The following CNTN1 variants were observed in gnomAD, a reference collection of about 807,000 sequenced individuals.
CNTN1 encodes contactin-1.
Under a neutral mutation model 126.4 loss-of-function variants are expected in CNTN1, and 38 were observed. The ratio of observed to expected loss-of-function variants is 0.30; its 90% CI spans 0.23 to 0.39. The LOEUF is 0.39. Among genes scored for constraint, CNTN1 ranks in the 10% least tolerant of loss-of-function variants. The pLI is 1.00. For synonymous variants in CNTN1, 413 were observed against 422.6 expected (o/e 0.98, Z 0.28); for missense variants, 1,009 against 1,248.4 (o/e 0.81, Z 2.89).
intron 1 of CNTN1, among the ~76,000 whole-genome samples, chr12:40,714,311 G>T (rs1941996298): frequency 6.6e-6 from 1 of 152,064 alleles, no homozygotes; most frequent in Non-Finnish European, 1.5e-5. Flanking sequence ...TCAATGGGTT[G>T]CTGGATAGTA....
intron 1 of CNTN1, among the ~76,000 whole-genome samples, chr12:40,735,723 C>T (rs570339322): frequency 1.3e-5 from 2 of 152,160 alleles, no homozygotes; most frequent in South Asian, 2.1e-4. Flanking sequence ...ATCAAATCAG[C>T]GTGCAGGAAG....
intron 23 of CNTN1, among the ~76,000 whole-genome samples, 190 bp downstream of exon 23, chr12:41,029,409 C>G (rs1198343754): frequency 6.6e-6 from 1 of 152,122 alleles, no homozygotes; most frequent in Non-Finnish European, 1.5e-5. Context: ...CTGTGACATA[C>G]CACATACTTC....
intron 1 of CNTN1, among the ~76,000 whole-genome samples, chr12:40,791,795 T>C (rs959263260): frequency 2.0e-5 from 3 of 152,122 alleles, no homozygotes; most frequent in Non-Finnish European, 4.4e-5. Context: ...ACCCACATCT[T>C]CCCACTGAGC....
At chr12:40,789,320 GA>G (rs1940142711) in intron 1 of CNTN1, among the ~76,000 whole-genome samples, 1 of 152,092 alleles carries the variant, frequency 6.6e-6, no homozygotes, top group South Asian at 2.1e-4. Context: ...TTGAACACTT[GA>G]AATAATGGGT....
chr12:40,922,482 A>T, intron 5 of CNTN1, 54 bp downstream of exon 5: 1 of 1,522,154 alleles, frequency 6.6e-7, no homozygotes, highest in South Asian at 1.1e-5. Flanking sequence ...TGAGTTCAGC[A>T]AGAAGAACAA....
intron 3 of CNTN1, among the ~76,000 whole-genome samples, chr12:40,912,998 G>A (rs537925032): frequency 1.3e-5 from 2 of 152,316 alleles, no homozygotes; most frequent in South Asian, 2.1e-4. Flanking sequence ...ATGTAAAACA[G>A]AATCTAGATG....
chr12:40,873,599 G>C (rs1430992614), intron 1 of CNTN1, among the ~76,000 whole-genome samples: 3 of 152,080 alleles, frequency 2.0e-5, no homozygotes. Flanking sequence ...TAGGCCAAAG[G>C]ATATTTATAA....
At chr12:40,779,571 GTACAGCCTCC>G (rs1939713266) in intron 1 of CNTN1, among the ~76,000 whole-genome samples, 1 of 151,792 alleles carries the variant, frequency 6.6e-6, no homozygotes, top group African/African-American at 2.4e-5. Context: ...TTAATTATAA[GTACAGCCTCC>G]AAAAGCATTG....
chr12:41,013,284 A>G (rs934423263), intron 17 of CNTN1, among the ~76,000 whole-genome samples: 1 of 152,140 alleles, frequency 6.6e-6, no homozygotes, highest in South Asian at 2.1e-4. Context: ...TGGAGCCGCC[A>G]TCTTGAACAT....
At chr12:40,713,698 A>G (rs1218269870) in intron 1 of CNTN1, among the ~76,000 whole-genome samples, 3 of 152,078 alleles carry the variant, frequency 2.0e-5, no homozygotes, top group Admixed American at 2.0e-4. Flanking sequence ...CATAAGGCAT[A>G]GGAAAAGAAA....
intron 17 of CNTN1, among the ~76,000 whole-genome samples, chr12:41,000,551 G>A (rs981670110): frequency 2.0e-5 from 3 of 152,032 alleles, no homozygotes; most frequent in African/African-American, 7.2e-5. Flanking sequence ...TGTAATCACA[G>A]TTGAATAGTA....
At chr12:40,819,998 A>C (rs140234904) in intron 1 of CNTN1, among the ~76,000 whole-genome samples, 3,426 of 152,240 alleles carry the variant, frequency 0.023, 131 homozygotes, top group African/African-American at 0.078. Flanking sequence ...CCTTCTAGTC[A>C]ATTTTGATGA....
At chr12:41,060,338 C>G (rs1195858473) in intron 23 of CNTN1, among the ~76,000 whole-genome samples, 1 of 152,152 alleles carries the variant, frequency 6.6e-6, no homozygotes, top group Non-Finnish European at 1.5e-5. Context: ...ACTGGTCCTT[C>G]AAGACTTGCA....
chr12:40,866,630 A>G (rs1943308428), intron 1 of CNTN1, among the ~76,000 whole-genome samples: 1 of 152,132 alleles, frequency 6.6e-6, no homozygotes, highest in Non-Finnish European at 1.5e-5. Context: ...TTTGGATTTT[A>G]AACTAACATT....
intron 1 of CNTN1, among the ~76,000 whole-genome samples, chr12:40,862,373 C>T (rs528825714): frequency 3.9e-5 from 6 of 152,314 alleles, no homozygotes; most frequent in Non-Finnish European, 7.4e-5. Flanking sequence ...TGGTACCAGT[C>T]TACTGCCTTT....
chr12:41,057,660 A>G (rs1949855531), intron 23 of CNTN1, among the ~76,000 whole-genome samples: 1 of 152,102 alleles, frequency 6.6e-6, no homozygotes, highest in Non-Finnish European at 1.5e-5. Flanking sequence ...ATTAAGAAAT[A>G]AAGGTAGAGA....
chr12:40,965,998 CCACACACACACACACACACACACA>C, intron 15 of CNTN1, among the ~76,000 whole-genome samples: 1 of 136,288 alleles, frequency 7.3e-6, no homozygotes, highest in African/African-American at 2.9e-5. Context: ...CCTCATCACA[CCACACACACACACACACACACACA>C]CACACACACA....
chr12:40,902,003 C>T (rs1944625695), intron 1 of CNTN1, among the ~76,000 whole-genome samples: 1 of 152,046 alleles, frequency 6.6e-6, no homozygotes, highest in Non-Finnish European at 1.5e-5. Context: ...ATTTAATAAT[C>T]CAAAAATTAA....
chr12:40,740,063 T>C lies in CNTN1; in HGVS notation c.-77+47471T>C, dbSNP rs73269741. Among the ~76,000 whole-genome samples, 1,341 of 152,164 alleles carry C rather than the reference T, an allele frequency of 8.8e-3. 18 individuals carry two copies. Among genetic ancestry groups the C allele is most frequent in the African/African-American group, 0.031 (1,278 of 41,536 alleles). On this transcript the variant is annotated intron_variant, in intron 1 of 23. Transcript: ENST00000551295. ...TTATGAACTACACAAAATAATGGAT[T>C]CTAAACTCATAAGGGTAAATAAATT... is the stretch of plus-strand genomic sequence containing the variant.
Sources: gnomAD v4.1 joint callset for allele counts (sites outside exome capture counted in the v4.1 genomes callset) on GRCh38, gnomAD v4.1.1 for gene constraint, MANE v1.5 for transcripts, NCBI Gene and HGNC (gene_info 2026-07-23, HGNC 2026-07-21) for gene names.